Variants in AK7 observed in about 807,000 individuals in gnomAD.
AK7 encodes adenylate kinase 7, also known as ATP-AMP transphosphorylase 7.
Under a neutral mutation model 96.6 loss-of-function variants are expected in AK7, and 78 were observed. The observed-to-expected ratio is 0.81, with a 90% CI of 0.67 to 0.97. The LOEUF is 0.97. AK7 is among the 50% of genes least tolerant of loss of function. The pLI is 0.00. For missense variants in AK7, 855 were observed against 887.9 expected (o/e 0.96, Z 0.47); for synonymous variants, 302 against 317.2 (o/e 0.95, Z 0.51).
At chr14:96,403,134 AT>A (rs1456397653) in intron 2 of AK7, among the ~76,000 whole-genome samples, 1 of 151,334 alleles carries the variant, frequency 6.6e-6, no homozygotes, top group Admixed American at 6.6e-5. Context: ...AAATAAATAA[AT>A]AAATAAATAA....
At chr14:96,479,233 T>C (rs59001256) in intron 15 of AK7, among the ~76,000 whole-genome samples, 84,591 of 151,716 alleles carry the variant, frequency 0.56, 25,711 homozygotes, top group African/African-American at 0.8. Context: ...CACACCACAG[T>C]GCCCGGCTAA....
At chr14:96,436,571 G>C (rs1036907625) in intron 5 of AK7, among the ~76,000 whole-genome samples, 15 of 152,170 alleles carry the variant, frequency 9.9e-5, no homozygotes, top group Non-Finnish European at 2.9e-5. Flanking sequence ...CTTGAACCCA[G>C]GAGGCCAAGG....
At chr14:96,464,914 T>C (rs984792743) in intron 12 of AK7, among the ~76,000 whole-genome samples, 2 of 152,208 alleles carry the variant, frequency 1.3e-5, no homozygotes, top group Admixed American at 6.5e-5. Context: ...TTATTCAAGA[T>C]GGAGTCACTC....
At chr14:96,467,985 C>G (rs551723436) in intron 12 of AK7, among the ~76,000 whole-genome samples, 169 of 151,020 alleles carry the variant, frequency 1.1e-3, no homozygotes, top group Non-Finnish European at 1.9e-3. Flanking sequence ...GCCCGTAATC[C>G]CAGCGCTTTG....
At chr14:96,443,896 C>T (rs58930595) in intron 7 of AK7, among the ~76,000 whole-genome samples, 3,966 of 151,572 alleles carry the variant, frequency 0.026, 172 homozygotes, top group African/African-American at 0.091. Context: ...GCCTCAGCCT[C>T]CCAAGTAGCT....
At chr14:96,410,817 A>C (rs1195838574) in intron 4 of AK7, among the ~76,000 whole-genome samples, 1 of 152,108 alleles carries the variant, frequency 6.6e-6, no homozygotes, top group Non-Finnish European at 1.5e-5. Flanking sequence ...AGCCCGGGTA[A>C]CAGGGCGAAA....
intron 7 of AK7, among the ~76,000 whole-genome samples, chr14:96,445,490 T>A (rs1402711839): frequency 1.3e-5 from 2 of 152,046 alleles, no homozygotes; most frequent in Non-Finnish European, 2.9e-5. Flanking sequence ...TGAAACCCTG[T>A]CTCTACAAAA....
rs755644130 is a variant in AK7 at position 96,478,636 on chromosome 14, A to T, written c.1727A>T (p.Glu576Val). 6.2e-7 allele frequency: 1 copy of T among 1,614,038 alleles called. No homozygotes were observed. The highest frequency in any genetic ancestry group is 8.5e-7 in the Non-Finnish European group (1 of 1,180,018). Residue 576 changes from glutamate to valine, a missense_variant, in exon 15 of 18, where the codon GAA becomes GTA. Transcript: ENST00000267584. ...DDETVFNYFDELEIHPIHIDV... is the reference protein window; with the variant it reads ...DDETVFNYFDVLEIHPIHIDV... ...GAGACTGTCTTCAACTATTTTGATG[A>T]ACTTGAAATTCACCCGATACATATT...
chr14:96,423,429 CATA>C (rs1188764914), intron 5 of AK7, among the ~76,000 whole-genome samples: 1 of 152,152 alleles, frequency 6.6e-6, no homozygotes, highest in African/African-American at 2.4e-5. Context: ...TTGCTATTTT[CATA>C]ATAACAATTT....
intron 11 of AK7, 114 bp downstream of exon 11, chr14:96,456,589 A>G: frequency 7.8e-7 from 1 of 1,283,020 alleles, no homozygotes; most frequent in Non-Finnish European, 1.1e-6. Flanking sequence ...GATGATCCCA[A>G]TTTTGTTGGC....
Position 96,423,635 on chromosome 14 carries a change from A to C in AK7, c.609+2703A>C, listed in dbSNP as rs548937488. On this transcript the variant is annotated intron_variant, in intron 5 of 17. Coordinates refer to ENST00000267584, the MANE Select transcript of AK7 (RefSeq NM_152327.5). ...AGGAGAAAGCTATGGTACATGCAGC[A>C]CTGAACTGGAGAACACAGCTCGGGG... The C allele has an allele frequency of 5.1e-6, 3 of 588,520 alleles. No homozygotes were observed. The East Asian group carries it at 1.1e-4, about 22-fold the overall frequency. 36.5% of individuals were successfully genotyped at this position (588,520 alleles called of 1,614,324 possible).
At position 96,464,544 on chromosome 14, in the gene AK7, CAAAAA is replaced by C. The variant is rs375649324; in HGVS notation, c.1357+6352_1357+6356del. Among the ~76,000 whole-genome samples the C allele has an allele frequency of 8.7e-5, 5 of 57,668 alleles. No individual in the cohort carries two copies. In the South Asian group the frequency reaches 3.1e-3, roughly 36 times the overall value. The allele number at this position is 57,668 out of a possible 152,430, so 37.8% of individuals were successfully genotyped here. ...TGGGTGACAGAGCAAGACCCTGTCCCAAAAAAAAAAAAAAAAAAAAAAAAGGAGAA... is the reference window on the plus strand; with the variant it reads ...TGGGTGACAGAGCAAGACCCTGTCCCAAAAAAAAAAAAAAAAAAAGGAGAA... On this transcript the variant is annotated intron_variant, in intron 12 of 17. Transcript: ENST00000267584.
intron 16 of AK7, among the ~76,000 whole-genome samples, chr14:96,483,954 G>A (rs1895644940): frequency 6.6e-6 from 1 of 151,292 alleles, no homozygotes; most frequent in Non-Finnish European, 1.5e-5. Flanking sequence ...CTTAGGCTGG[G>A]CATGGTGGTT....
At chr14:96,405,897 C>G (rs1457166119) in intron 3 of AK7, among the ~76,000 whole-genome samples, 2 of 152,138 alleles carry the variant, frequency 1.3e-5, no homozygotes, top group Non-Finnish European at 2.9e-5. Context: ...TTCACCTCCT[C>G]CAAAGCAACC....
At position 96,486,165 on chromosome 14, in the gene AK7, G is replaced by C. The variant is rs150381804; in HGVS notation, c.1975-733G>C. 9.6e-3 allele frequency among the ~76,000 whole-genome samples: 1,458 copies of C among 152,236 alleles called. 18 individuals carry two copies. The highest frequency in any genetic ancestry group is 0.023 in the South Asian group (111 of 4,824). ...CATAAAGAAAACCAGAAAAGTCCAG[G>C]GGTAGGGCTGGCTTCAGGTGAGGCT... On this transcript the variant is annotated intron_variant, in intron 16 of 17. Transcript: ENST00000267584.
rs1451277063 is a variant in AK7 at position 96,488,623 on chromosome 14, G to A, written c.*280G>A. 3.5e-6 allele frequency: 1 copy of A among 285,840 alleles called. No individual in the cohort carries two copies. Among genetic ancestry groups the A allele is most frequent in the African/African-American group, 2.1e-5 (1 of 46,558 alleles). The allele number at this position is 285,840 out of a possible 1,614,324, so 17.7% of individuals were successfully genotyped here. A position where few individuals can be genotyped will look rare whatever the true frequency, so the allele number is the denominator to read the frequency against. ...AGTCAGATCTAAATATACCGCTTCT[G>A]TACACTAATGTTTATAGGTATTTAT... On this transcript the variant is annotated 3_prime_UTR_variant, in exon 18 of 18. Transcript: ENST00000267584.
chr14:96,458,335 C>A, intron 12 of AK7, 123 bp downstream of exon 12: 1 of 1,286,502 alleles, frequency 7.8e-7, no homozygotes, highest in Non-Finnish European at 1.0e-6. Context: ...ATGGCTCATG[C>A]CTGTAATCCC....
chr14:96,410,323 AC>A (rs1310149135), intron 4 of AK7, among the ~76,000 whole-genome samples: 2 of 152,098 alleles, frequency 1.3e-5, no homozygotes, highest in African/African-American at 2.4e-5. Context: ...CCACTATAAA[AC>A]AATTATGAGT....
chr14:96,474,328 T>C (rs560972020), intron 14 of AK7, among the ~76,000 whole-genome samples: 1 of 151,652 alleles, frequency 6.6e-6, no homozygotes. Context: ...GTGGGCTAAG[T>C]TGATTGGCCA....
Sources: allele counts gnomAD v4.1 joint callset (sites outside exome capture counted in the v4.1 genomes callset), GRCh38; gene constraint gnomAD v4.1.1; transcripts MANE v1.5; gene names NCBI Gene and HGNC (gene_info 2026-07-23, HGNC 2026-07-21).